PTPRT: variants seen among roughly 807,000 people sequenced by gnomAD.
PTPRT encodes the protein protein tyrosine phosphatase receptor type T, also known as receptor-type tyrosine-protein phosphatase T.
A neutral mutation model predicts 176.8 loss-of-function variants in PTPRT; 56 were observed. The observed-to-expected ratio is 0.32, with a 90% CI of 0.26 to 0.40. The LOEUF (loss-of-function observed/expected upper bound fraction) is 0.40. PTPRT is among the 10% of genes least tolerant of loss of function. The pLI is 1.00. For missense variants in PTPRT, 1,540 were observed against 1,908.2 expected (o/e 0.81, Z 3.60); for synonymous variants, 783 against 739.0 (o/e 1.06, Z -0.96).
chr20:42,141,810 A>T (rs1409185053), intron 18 of PTPRT, 105 bp downstream of exon 18: 10 of 1,092,708 alleles, frequency 9.2e-6, no homozygotes, highest in Non-Finnish European at 1.4e-5. Flanking sequence ...AGCTAGAGAC[A>T]GCAAAGATTA....
At chr20:42,363,511 T>C (rs2058470298) in intron 9 of PTPRT, among the ~76,000 whole-genome samples, 1 of 151,132 alleles carries the variant, frequency 6.6e-6, no homozygotes, top group Non-Finnish European at 1.5e-5. Flanking sequence ...GGTTTCTCCA[T>C]GTTGGTCAGG....
intron 2 of PTPRT, among the ~76,000 whole-genome samples, chr20:42,871,880 C>A (rs1199996482): frequency 6.6e-6 from 1 of 152,158 alleles, no homozygotes. Flanking sequence ...TACCTGAATC[C>A]AAACTGATGG....
intron 1 of PTPRT, among the ~76,000 whole-genome samples, chr20:43,048,265 C>T (rs1487806625): frequency 6.6e-6 from 1 of 151,932 alleles, no homozygotes; most frequent in African/African-American, 2.4e-5. Flanking sequence ...CTGAGAAATG[C>T]AGATATATGG....
intron 1 of PTPRT, among the ~76,000 whole-genome samples, chr20:43,005,820 C>T (rs1984826237): frequency 6.6e-6 from 1 of 152,120 alleles, no homozygotes; most frequent in Non-Finnish European, 1.5e-5. Context: ...TCATCTTTTC[C>T]TCAATCCTCA....
intron 12 of PTPRT, among the ~76,000 whole-genome samples, chr20:42,302,371 G>T (rs144597371): frequency 1.3e-5 from 2 of 152,064 alleles, no homozygotes; most frequent in Non-Finnish European, 2.9e-5. Context: ...AACCAACACC[G>T]GGATTGTCTT....
chr20:42,939,000 A>G (rs1980380540), intron 1 of PTPRT, among the ~76,000 whole-genome samples: 1 of 152,212 alleles, frequency 6.6e-6, no homozygotes, highest in South Asian at 2.1e-4. Flanking sequence ...TGAGCAATAA[A>G]GAAGCCATTT....
chr20:42,260,012 G>T (rs2056719736), intron 13 of PTPRT, among the ~76,000 whole-genome samples: 1 of 152,202 alleles, frequency 6.6e-6, no homozygotes, highest in Non-Finnish European at 1.5e-5. Flanking sequence ...CTATAGCAAG[G>T]TGCTGAGCAT....
intron 7 of PTPRT, among the ~76,000 whole-genome samples, chr20:42,532,862 A>G (rs1313448300): frequency 1.3e-5 from 2 of 152,016 alleles, no homozygotes; most frequent in East Asian, 1.9e-4. Context: ...GCAGACCTAC[A>G]GCTCACGAGG....
chr20:42,184,611 T>C lies in PTPRT; in HGVS notation c.2491+14629A>G, dbSNP rs184220879. 7.4e-3 allele frequency among the ~76,000 whole-genome samples: 1,048 copies of C among 142,402 alleles called. 67 individuals carry two copies. The highest frequency in any genetic ancestry group is 0.027 in the African/African-American group (951 of 35,006). The allele number at this position is 142,402 out of a possible 152,430, so 93.4% of individuals were successfully genotyped here. On this transcript the variant is annotated intron_variant, in intron 16 of 30. Transcript: ENST00000373187. ...TTCTTCTTCCTCTTCTTCTTCTTCT[T>C]CTTCTCCTCCTTCTTCTCCTTCTCT...
At chr20:42,221,666 C>T (rs1236767231) in intron 15 of PTPRT, among the ~76,000 whole-genome samples, 1 of 151,990 alleles carries the variant, frequency 6.6e-6, no homozygotes, top group African/African-American at 2.4e-5. Context: ...ACCACAGGTG[C>T]ATGCCACCAT....
intron 5 of PTPRT, among the ~76,000 whole-genome samples, chr20:42,768,870 C>T (rs905610629): frequency 5.3e-5 from 8 of 152,302 alleles, no homozygotes; most frequent in African/African-American, 1.7e-4. Flanking sequence ...ATCTCTTTAA[C>T]ATCCTCCCAC....
intron 2 of PTPRT, among the ~76,000 whole-genome samples, chr20:42,862,476 G>A (rs911826568): frequency 1.3e-5 from 2 of 152,190 alleles, no homozygotes; most frequent in African/African-American, 4.8e-5. Flanking sequence ...AAGCAAGAGA[G>A]GAAGTTGGGG....
intron 2 of PTPRT, among the ~76,000 whole-genome samples, chr20:42,877,035 T>A (rs978473899): frequency 2.0e-5 from 3 of 151,948 alleles, no homozygotes; most frequent in Non-Finnish European, 4.4e-5. Context: ...ACCTGTAGGG[T>A]TTGTGGTTGA....
At chr20:42,541,481 A>T (rs2072577571) in intron 7 of PTPRT, among the ~76,000 whole-genome samples, 1 of 150,268 alleles carries the variant, frequency 6.7e-6, no homozygotes, top group Non-Finnish European at 1.5e-5. Flanking sequence ...AGGAAAAGAG[A>T]TACACTAGTA....
intron 1 of PTPRT, among the ~76,000 whole-genome samples, chr20:42,994,670 T>C (rs1480267865): frequency 6.6e-6 from 1 of 152,192 alleles, no homozygotes; most frequent in Admixed American, 6.5e-5. Context: ...CCAATATGAA[T>C]ATATTAATGA....
chr20:42,791,326 C>T lies in PTPRT; in HGVS notation c.355G>A (p.Ala119Thr), dbSNP rs777997871. The T allele has an allele frequency of 3.1e-6, 5 of 1,614,168 alleles. No individual in the cohort carries two copies. The highest frequency in any genetic ancestry group is 4.2e-6 in the Non-Finnish European group (5 of 1,180,028). ...FSSRDRSSPG[A>T]LNVYVKVNGG... ...TTCACCTTCACGTAGACGTTCAAGG[C>T]CCCTGGGCTGGACCTGTCACGGCTG... The change falls in exon 3 of 31, where the codon GCC becomes ACC. Residue 119 changes from alanine (A) to threonine (T), a missense_variant. Ala to Thr is a moderately conservative substitution (Grantham distance 58). Coordinates refer to ENST00000373187, the MANE Select transcript of PTPRT (RefSeq NM_007050.6).
At chr20:42,756,960 A>T (rs1232965619) in intron 5 of PTPRT, among the ~76,000 whole-genome samples, 1 of 150,330 alleles carries the variant, frequency 6.7e-6, no homozygotes, top group Non-Finnish European at 1.5e-5. Context: ...GTGAGGAAGG[A>T]GGATCGCCTG....
At chr20:43,137,477 C>T (rs1295491605) in intron 1 of PTPRT, among the ~76,000 whole-genome samples, 1 of 152,190 alleles carries the variant, frequency 6.6e-6, no homozygotes, top group Non-Finnish European at 1.5e-5. Context: ...TGCTATCTTA[C>T]TAGTTGCAGA....
intron 1 of PTPRT, among the ~76,000 whole-genome samples, chr20:42,935,283 G>A (rs1001513076): frequency 3.4e-5 from 5 of 146,954 alleles, no homozygotes; most frequent in African/African-American, 1.2e-4. Flanking sequence ...GGGACTACAG[G>A]CACGCACCAG....
Sources: gnomAD v4.1 joint callset for allele counts (sites outside exome capture counted in the v4.1 genomes callset) on GRCh38, gnomAD v4.1.1 for gene constraint, MANE v1.5 for transcripts, NCBI Gene and HGNC (gene_info 2026-07-23, HGNC 2026-07-21) for gene names.